The following BABAM2 variants were observed in gnomAD, a reference collection of about 807,000 sequenced individuals.
BABAM2 encodes BRISC and BRCA1-A complex member 2.
In BABAM2, 31 loss-of-function variants were observed where a neutral mutation model predicts 54.7. The ratio of observed to expected loss-of-function variants is 0.57; its 90% confidence interval spans 0.43 to 0.77. The LOEUF is 0.77. Ranked by LOEUF, BABAM2 falls within the 30% of genes least tolerant of loss-of-function variation. BABAM2 has a pLI of 0.00. For synonymous variants in BABAM2, 167 were observed against 162.9 expected, an observed-to-expected ratio of 1.03 and a Z score of -0.19; for missense variants, 364 against 455.8, an observed-to-expected ratio of 0.80 and a Z score of 1.83.
intron 6 of BABAM2, among the ~76,000 whole-genome samples, chr2:28,098,189 A>G (rs57582121): frequency 0.16 from 23,924 of 152,142 alleles, 2,592 homozygotes; most frequent in African/African-American, 0.31. Flanking sequence ...GGAGCAAATA[A>G]TATTTCTTCA....
chr2:28,259,374 G>A (rs1265243281), intron 10 of BABAM2, among the ~76,000 whole-genome samples: 7 of 151,902 alleles, frequency 4.6e-5, no homozygotes, highest in Admixed American at 2.0e-4. Context: ...GTAAGCTACC[G>A]CACCTAGCCG....
At chr2:28,265,633 C>T (rs537203074) in intron 10 of BABAM2, among the ~76,000 whole-genome samples, 2 of 152,034 alleles carry the variant, frequency 1.3e-5, no homozygotes, top group Non-Finnish European at 2.9e-5. Context: ...CACATGCATG[C>T]ACATATGTGC....
chr2:27,971,416 A>G (rs1260948920), intron 3 of BABAM2, among the ~76,000 whole-genome samples: 1 of 152,158 alleles, frequency 6.6e-6, no homozygotes, highest in Non-Finnish European at 1.5e-5. Flanking sequence ...GTTCAAGTAT[A>G]GAATAATTCA....
chr2:27,990,267 T>C (rs577182659), intron 4 of BABAM2, among the ~76,000 whole-genome samples: 12 of 152,318 alleles, frequency 7.9e-5, no homozygotes, highest in African/African-American at 2.9e-4. Context: ...TGATGGTTAT[T>C]GTTGTCTGAT....
intron 7 of BABAM2, among the ~76,000 whole-genome samples, chr2:28,153,268 G>A (rs1008906617): frequency 4.6e-5 from 7 of 152,108 alleles, no homozygotes; most frequent in African/African-American, 1.7e-4. Flanking sequence ...CCTTAAATTG[G>A]TCCACTGTTT....
At chr2:27,965,091 A>G (rs1670745128) in intron 3 of BABAM2, among the ~76,000 whole-genome samples, 1 of 152,238 alleles carries the variant, frequency 6.6e-6, no homozygotes, top group African/African-American at 2.4e-5. Context: ...ATGGAGGGCA[A>G]TTAACCATAT....
chr2:28,033,818 T>C (rs972514400), intron 5 of BABAM2, among the ~76,000 whole-genome samples: 1 of 151,410 alleles, frequency 6.6e-6, no homozygotes, highest in African/African-American at 2.4e-5. Context: ...TTTTGAGATA[T>C]GAAATGTAAG....
chr2:28,025,338 T>G lies in BABAM2; in HGVS notation c.413T>G (p.Leu138Arg). Residue 138 changes from leucine (L) to arginine (R), a missense_variant, in exon 5 of 12, where the codon CTC (leucine) becomes CGC (arginine). Physicochemically the swap from Leu to Arg is moderately radical, Grantham distance 102. Transcript: ENST00000379624. ...AGCCGCCTCCGGGAGAGCTCCCGCCTCATGTTTGAATACCAGACATTACTG... is the reference window on the plus strand; with the variant it reads ...AGCCGCCTCCGGGAGAGCTCCCGCCGCATGTTTGAATACCAGACATTACTG... ...QCSRLRESSR[L>R]MFEYQTLLEE... The G allele has an allele frequency of 6.2e-7, 1 of 1,613,090 alleles. No individual in the cohort carries two copies. The highest frequency in any genetic ancestry group is 8.5e-7 in the Non-Finnish European group (1 of 1,179,778).
intron 7 of BABAM2, among the ~76,000 whole-genome samples, chr2:28,200,193 A>G (rs543459798): frequency 6.6e-6 from 1 of 152,324 alleles, no homozygotes; most frequent in East Asian, 1.9e-4. Context: ...CCAGGACAGG[A>G]CATTGTATTT....
At chr2:28,079,216 G>T (rs1664950425) in intron 6 of BABAM2, among the ~76,000 whole-genome samples, 1 of 152,148 alleles carries the variant, frequency 6.6e-6, no homozygotes, top group East Asian at 1.9e-4. Context: ...ACCTGGCAGG[G>T]GTAGTAGGTA....
chr2:28,203,666 A>G (rs1056805582), intron 7 of BABAM2, among the ~76,000 whole-genome samples: 3 of 152,168 alleles, frequency 2.0e-5, no homozygotes, highest in African/African-American at 7.2e-5. Flanking sequence ...TTTCATTTAC[A>G]TAGGTGATAT....
intron 7 of BABAM2, among the ~76,000 whole-genome samples, chr2:28,226,712 C>G (rs77564779): frequency 0.022 from 3,368 of 152,270 alleles, 105 homozygotes; most frequent in African/African-American, 0.077. Context: ...AAGCCCGCCC[C>G]GCAAATGGCT....
chr2:28,328,477 T>C (rs995805645), intron 11 of BABAM2, among the ~76,000 whole-genome samples: 6 of 152,182 alleles, frequency 3.9e-5, no homozygotes, highest in African/African-American at 1.4e-4. Flanking sequence ...CCTGAACCAC[T>C]TCTCCTACCA....
At chr2:28,121,532 G>A (rs1433610262) in intron 6 of BABAM2, among the ~76,000 whole-genome samples, 2 of 152,238 alleles carry the variant, frequency 1.3e-5, no homozygotes, top group South Asian at 2.1e-4. Flanking sequence ...GATTGGGGCT[G>A]TATATGCTAA....
At chr2:28,158,545 A>G (rs983779840) in intron 7 of BABAM2, among the ~76,000 whole-genome samples, 4 of 152,246 alleles carry the variant, frequency 2.6e-5, no homozygotes, top group Non-Finnish European at 4.4e-5. Context: ...CAGTACCAGT[A>G]TGAGCTCCTT....
At chr2:28,300,559 C>G (rs1167609164) in intron 11 of BABAM2, among the ~76,000 whole-genome samples, 4 of 152,088 alleles carry the variant, frequency 2.6e-5, no homozygotes, top group Non-Finnish European at 5.9e-5. Context: ...AGGATCTGCC[C>G]TAAGAAGATG....
intron 11 of BABAM2, among the ~76,000 whole-genome samples, chr2:28,323,017 C>T (rs1300330664): frequency 2.6e-5 from 4 of 152,176 alleles, no homozygotes; most frequent in Non-Finnish European, 4.4e-5. Flanking sequence ...CAGTAAGAAG[C>T]GGCAGGCCAA....
At chr2:28,326,156 A>G (rs1006062569) in intron 11 of BABAM2, among the ~76,000 whole-genome samples, 1 of 152,098 alleles carries the variant, frequency 6.6e-6, no homozygotes, top group Non-Finnish European at 1.5e-5. Context: ...CGATGACTAA[A>G]AAGTGGAGGG....
intron 6 of BABAM2, among the ~76,000 whole-genome samples, chr2:28,059,800 C>T (rs183721523): frequency 8.5e-5 from 13 of 152,256 alleles, no homozygotes; most frequent in Middle Eastern, 6.8e-3. Flanking sequence ...GAAATTTTCT[C>T]GGATTTTACC....
Sources: allele counts gnomAD v4.1 joint callset (sites outside exome capture counted in the v4.1 genomes callset), GRCh38; gene constraint gnomAD v4.1.1; transcripts MANE v1.5; gene names NCBI Gene and HGNC (gene_info 2026-07-23, HGNC 2026-07-21).